Variants in SYNE2 observed in about 807,000 individuals in gnomAD.
SYNE2 encodes spectrin repeat containing nuclear envelope protein 2.
A neutral mutation model predicts 856.3 loss-of-function variants in SYNE2; 431 were observed. The observed-to-expected ratio is 0.50, with a 90% CI of 0.47 to 0.55. The LOEUF (loss-of-function observed/expected upper bound fraction) is 0.55. SYNE2 is among the 20% of genes least tolerant of loss of function. The probability of loss-of-function intolerance (pLI) is 0.00; values close to 1 mark genes in which losing one functional copy is unlikely to be tolerated. For missense variants in SYNE2, 8,129 were observed against 8,023.2 expected, an observed-to-expected ratio of 1.01 and a Z score of -0.50; for synonymous variants, 2,923 against 2,872.3, an observed-to-expected ratio of 1.02 and a Z score of -0.56.
rs750058499 is a variant in SYNE2 at position 64,029,944 on chromosome 14, A to G, written c.6764A>G (p.Gln2255Arg). 8.1e-6 allele frequency: 13 copies of G among 1,614,004 alleles called. No individual in the cohort carries two copies. The highest frequency in any genetic ancestry group is 1.1e-5 in the Non-Finnish European group (13 of 1,180,014). ...DGHVREHDSYQVCVTDLNTTL... is the reference protein window; with the variant it reads ...DGHVREHDSYRVCVTDLNTTL... ...CACGTTCGAGAACATGATTCATACC[A>G]GGTTTGCGTCACAGACCTGAATACT... The change falls in exon 44 of 116, where the codon CAG becomes CGG. Residue 2255 changes from glutamine (Q) to arginine (R), a missense_variant. Coordinates refer to ENST00000555002, the MANE Select transcript of SYNE2 (RefSeq NM_182914.3).
chr14:64,121,149 G>T, intron 68 of SYNE2, 88 bp downstream of exon 68: 1 of 1,569,400 alleles, frequency 6.4e-7, no homozygotes, highest in South Asian at 1.1e-5. Flanking sequence ...TAGCTACTTG[G>T]GAGGCTGAGG....
chr14:63,784,946 AT>A (rs199797910), intron 1 of SYNE2, among the ~76,000 whole-genome samples: 1 of 91,608 alleles, frequency 1.1e-5, no homozygotes, highest in East Asian at 2.5e-4. Context: ...GTGGACTGTT[AT>A]TTTTTTGGGG....
intron 58 of SYNE2, among the ~76,000 whole-genome samples, chr14:64,088,168 G>A (rs988488447): frequency 3.3e-5 from 5 of 152,214 alleles, no homozygotes; most frequent in Non-Finnish European, 5.9e-5. Flanking sequence ...GGGTGACAGA[G>A]CAGGATTCTG....
At chr14:64,023,276 C>G (rs530630173) in intron 38 of SYNE2, 27 of 167,278 alleles carry the variant, frequency 1.6e-4, no homozygotes, top group African/African-American at 5.8e-4. Flanking sequence ...GTAATAAGTA[C>G]TTTGACTTAC....
rs767401015 is a variant in SYNE2, at chr14:64,214,346, G to T, written c.19209G>T (p.Arg6403=). 6.2e-7 allele frequency: 1 copy of T among 1,614,112 alleles called. No homozygotes were observed. Among genetic ancestry groups the T allele is most frequent in the South Asian group, 1.1e-5 (1 of 91,068 alleles). Reference sequence around the variant, plus strand: ...ATCTAGTGGCCCCAGGGCACGAGCGGTCTGGCTGCGAGACCCCTGTCAGCG... The same window carrying T: ...ATCTAGTGGCCCCAGGGCACGAGCGTTCTGGCTGCGAGACCCCTGTCAGCG... ...LCHLVAPGHE[R]SGCETPVSVD... is the part of the protein sequence containing the mutation. Residue 6403 remains arginine (R), a synonymous_variant, in exon 106 of 116, where the codon CGG becomes CGT. Coordinates refer to ENST00000555002, the MANE Select transcript of SYNE2 (RefSeq NM_182914.3).
chr14:63,831,604 G>A (rs1889672328), intron 1 of SYNE2, among the ~76,000 whole-genome samples: 1 of 137,608 alleles, frequency 7.3e-6, no homozygotes, highest in Non-Finnish European at 1.5e-5. Context: ...CTCCCAGGCA[G>A]GAGTGCAGTG....
chr14:64,107,821 C>G (rs560042644), intron 65 of SYNE2, among the ~76,000 whole-genome samples: 4 of 152,220 alleles, frequency 2.6e-5, no homozygotes, highest in African/African-American at 9.7e-5. Context: ...GAATTAGACG[C>G]TTTTCACTCA....
chr14:64,064,826 G>C (rs967105424), intron 50 of SYNE2, among the ~76,000 whole-genome samples: 2 of 149,224 alleles, frequency 1.3e-5, no homozygotes, highest in African/African-American at 4.9e-5. Context: ...AGTGCTGCAT[G>C]AGCCACTGTG....
At chr14:64,178,748 C>T (rs1420305761) in intron 96 of SYNE2, among the ~76,000 whole-genome samples, 1 of 152,122 alleles carries the variant, frequency 6.6e-6, no homozygotes, top group Non-Finnish European at 1.5e-5. Flanking sequence ...AGCCTGCTGT[C>T]AATGAGATGT....
At chr14:63,888,893 T>A (rs1232348141) in intron 1 of SYNE2, among the ~76,000 whole-genome samples, 1 of 152,136 alleles carries the variant, frequency 6.6e-6, no homozygotes, top group African/African-American at 2.4e-5. Flanking sequence ...AATTGTGGTA[T>A]AATTACAACT....
In SYNE2 at chr14:64,026,584, C is replaced by A. The variant is rs759330347; in HGVS notation, c.6258C>A (p.Ile2086=). Residue 2086 remains isoleucine (I), a synonymous_variant, in exon 42 of 116, where the codon ATC becomes ATA. Transcript: ENST00000555002. ...LEERIQKIKE[I]ILLKPEGDAR... is the part of the protein sequence containing the mutation. ...ATCTCTTTTATTTAATTCAGGAAAT[C>A]ATTTTGCTGAAGCCTGAAGGGGATG... 1 of 1,612,224 alleles carries A rather than the reference C, an allele frequency of 6.2e-7. No individual in the cohort carries two copies. Among genetic ancestry groups the A allele is most frequent in the Admixed American group, 1.7e-5 (1 of 59,984 alleles).
intron 7 of SYNE2, among the ~76,000 whole-genome samples, chr14:63,951,350 T>G (rs1234940867): frequency 6.6e-6 from 1 of 152,212 alleles, no homozygotes; most frequent in Non-Finnish European, 1.5e-5. Flanking sequence ...TCGCCCAGGC[T>G]GGAGTGCAGT....
intron 9 of SYNE2, among the ~76,000 whole-genome samples, chr14:63,962,001 G>T (rs2153447970): frequency 6.6e-6 from 1 of 151,474 alleles, no homozygotes; most frequent in Non-Finnish European, 1.5e-5. Flanking sequence ...AAAATCTAAA[G>T]ATATCAAATT....
chr14:64,175,850 G>A (rs554444515), intron 95 of SYNE2, among the ~76,000 whole-genome samples: 11 of 152,124 alleles, frequency 7.2e-5, no homozygotes, highest in Non-Finnish European at 1.3e-4. Flanking sequence ...GCTGAGTTAG[G>A]GCTTGAAAAT....
At chr14:63,813,714 A>G (rs544976565) in intron 1 of SYNE2, among the ~76,000 whole-genome samples, 2 of 151,710 alleles carry the variant, frequency 1.3e-5, no homozygotes, top group African/African-American at 4.8e-5. Flanking sequence ...ACGAGGTCAG[A>G]AATTCAACAC....
intron 2 of SYNE2, among the ~76,000 whole-genome samples, chr14:63,931,895 C>G (rs1382031759): frequency 6.6e-6 from 1 of 152,158 alleles, no homozygotes; most frequent in Admixed American, 6.5e-5. Context: ...GTAGCTGGGT[C>G]TATAGGCATT....
At chr14:63,951,288 G>A (rs181779802) in intron 7 of SYNE2, among the ~76,000 whole-genome samples, 42 of 152,088 alleles carry the variant, frequency 2.8e-4, no homozygotes, top group African/African-American at 9.6e-4. Flanking sequence ...CTGAAGTTCT[G>A]CTTTCAGCCT....
chr14:63,851,979 G>C (rs1438663163), upstream of SYNE2, among the ~76,000 whole-genome samples: 10 of 3,610 alleles, frequency 2.8e-3, no homozygotes, highest in African/African-American at 5.7e-3. Flanking sequence ...ACTAAGCGGG[G>C]GGGGGGGGGG....
rs143386979 is a variant in SYNE2, at chr14:63,793,183, G to A, written c.-305+31197G>A. Among the ~76,000 whole-genome samples the A allele has an allele frequency of 2.1e-3, 320 of 152,270 alleles. 1 individual carries two copies. The highest frequency in any genetic ancestry group is 7.4e-3 in the African/African-American group (306 of 41,568). On this transcript the variant is annotated intron_variant, in intron 1 of 23. Coordinates refer to the SYNE2 transcript ENST00000674003. ...TGAGAGACTTCCTCTTGGCTCCCAGGAGGAGGAATTTCCTGATGTTGACAC... is the reference window on the plus strand; with the variant it reads ...TGAGAGACTTCCTCTTGGCTCCCAGAAGGAGGAATTTCCTGATGTTGACAC...
Sources: gnomAD v4.1 joint callset for allele counts (sites outside exome capture counted in the v4.1 genomes callset) on GRCh38, gnomAD v4.1.1 for gene constraint, MANE v1.5 for transcripts, NCBI Gene and HGNC (gene_info 2026-07-23, HGNC 2026-07-21) for gene names.